GRM5: variants seen among roughly 807,000 people sequenced by gnomAD.
The protein encoded by GRM5 is metabotropic glutamate receptor 5.
A neutral mutation model predicts 83.1 loss-of-function variants in GRM5; 19 were observed. That is an observed-to-expected ratio of 0.23 (90% CI 0.16 to 0.34). The LOEUF is 0.34. Ranked by LOEUF, GRM5 falls within the 10% of genes least tolerant of loss-of-function variation. The pLI, the probability that GRM5 is intolerant of heterozygous loss-of-function variation, is 1.00. For synonymous variants in GRM5, 675 were observed against 633.6 expected (o/e 1.07, Z -0.98); for missense variants, 1,160 against 1,588.3 (o/e 0.73, Z 4.58).
At chr11:88,728,353 TAAC>T (rs1941727249) in intron 3 of GRM5, among the ~76,000 whole-genome samples, 1 of 151,952 alleles carries the variant, frequency 6.6e-6, no homozygotes, top group South Asian at 2.1e-4. Flanking sequence ...AATAGACTAA[TAAC>T]AAGTTCTGAA....
At chr11:88,770,600 A>G (rs1942714440) in intron 3 of GRM5, among the ~76,000 whole-genome samples, 1 of 152,146 alleles carries the variant, frequency 6.6e-6, no homozygotes, top group Non-Finnish European at 1.5e-5. Flanking sequence ...CCTTGTGGAA[A>G]GCAGAAATTG....
intron 3 of GRM5, among the ~76,000 whole-genome samples, chr11:88,799,483 T>G (rs1038501832): frequency 3.3e-5 from 5 of 152,134 alleles, no homozygotes; most frequent in African/African-American, 1.2e-4. Flanking sequence ...CATGGAAATT[T>G]TTGAAGCATA....
chr11:88,807,154 C>T (rs920251511), intron 3 of GRM5, among the ~76,000 whole-genome samples: 1 of 152,092 alleles, frequency 6.6e-6, no homozygotes, highest in African/African-American at 2.4e-5. Context: ...CATTTTCTGC[C>T]ATAAACCTTG....
chr11:89,044,758 T>C (rs537457271), intron 2 of GRM5, among the ~76,000 whole-genome samples: 1 of 151,106 alleles, frequency 6.6e-6, no homozygotes, highest in Non-Finnish European at 1.5e-5. Flanking sequence ...GAAAATCACC[T>C]CAACCCAGTG....
chr11:89,023,171 G>A (rs187113218), intron 2 of GRM5, among the ~76,000 whole-genome samples: 134 of 152,078 alleles, frequency 8.8e-4, no homozygotes, highest in Middle Eastern at 3.4e-3. Flanking sequence ...GTGTGCGCGC[G>A]CGTGCACATG....
rs370073829 is a variant in GRM5 at position 88,574,385 on chromosome 11, G to A, written c.1691-6393C>T. On this transcript the variant is annotated intron_variant, in intron 7 of 9. Transcript: ENST00000305447. ...ATCAATTCACTACACCTGAATTTGAGTCTAGTTTCTGGAACCCAAAGAGGG... is the reference window on the plus strand; with the variant it reads ...ATCAATTCACTACACCTGAATTTGAATCTAGTTTCTGGAACCCAAAGAGGG... Among the ~76,000 whole-genome samples the A allele has an allele frequency of 8.5e-5, 13 of 152,204 alleles. No individual in the cohort carries two copies. In the East Asian group the frequency reaches 1.7e-3, roughly 20 times the overall value.
intron 4 of GRM5, among the ~76,000 whole-genome samples, chr11:88,615,281 T>A (rs537357204): frequency 1.3e-5 from 2 of 152,080 alleles, no homozygotes; most frequent in South Asian, 2.1e-4. Context: ...ATAAAAATAA[T>A]AATAATTGGA....
intron 2 of GRM5, among the ~76,000 whole-genome samples, chr11:88,919,542 C>A (rs1945654373): frequency 6.6e-6 from 1 of 150,906 alleles, no homozygotes; most frequent in Non-Finnish European, 1.5e-5. Flanking sequence ...CACTATAGAT[C>A]AAATGGATCT....
intron 2 of GRM5, among the ~76,000 whole-genome samples, chr11:89,027,705 T>C (rs1591060430): frequency 6.6e-6 from 1 of 152,200 alleles, no homozygotes; most frequent in Admixed American, 6.5e-5. Context: ...TTAGGACATG[T>C]GAACGTATTT....
chr11:88,677,295 A>T (rs1940358261), intron 3 of GRM5, among the ~76,000 whole-genome samples: 2 of 152,068 alleles, frequency 1.3e-5, no homozygotes. Flanking sequence ...GTAAATTCAT[A>T]TTTTAACTCT....
chr11:88,798,235 C>T (rs1943320260), intron 3 of GRM5, among the ~76,000 whole-genome samples: 2 of 152,126 alleles, frequency 1.3e-5, no homozygotes, highest in South Asian at 4.1e-4. Flanking sequence ...TTGGATATGA[C>T]AATATCGTTC....
intron 2 of GRM5, among the ~76,000 whole-genome samples, chr11:88,948,151 G>A (rs145317634): frequency 0.014 from 2,066 of 152,170 alleles, 55 homozygotes; most frequent in Admixed American, 0.068. Flanking sequence ...CTGTATGACC[G>A]TCCTTTTCTT....
At chr11:88,707,228 C>T (rs1218359749) in intron 3 of GRM5, among the ~76,000 whole-genome samples, 3 of 152,060 alleles carry the variant, frequency 2.0e-5, no homozygotes, top group African/African-American at 7.2e-5. Context: ...TAAAATATTA[C>T]AGTAGCTATC....
chr11:89,022,312 A>T (rs909877965), intron 2 of GRM5, among the ~76,000 whole-genome samples: 5 of 152,138 alleles, frequency 3.3e-5, no homozygotes, highest in Non-Finnish European at 5.9e-5. Flanking sequence ...AAATATGAAT[A>T]TGATCCACCA....
chr11:88,585,387 G>C (rs1943291989), intron 7 of GRM5, among the ~76,000 whole-genome samples: 1 of 152,226 alleles, frequency 6.6e-6, no homozygotes, highest in Admixed American at 6.5e-5. Context: ...AACAGTGAAA[G>C]TGCTAGATAC....
chr11:88,942,746 AT>A (rs934142192), intron 2 of GRM5, among the ~76,000 whole-genome samples: 33 of 151,666 alleles, frequency 2.2e-4, no homozygotes, highest in African/African-American at 7.7e-4. Context: ...TAAAAAAAAA[AT>A]GGGACACAAC....
chr11:88,709,186 T>C (rs1941229479), intron 3 of GRM5, among the ~76,000 whole-genome samples: 1 of 151,804 alleles, frequency 6.6e-6, no homozygotes, highest in Non-Finnish European at 1.5e-5. Context: ...TGCTTAGTGA[T>C]ATGGACCAAG....
intron 8 of GRM5, among the ~76,000 whole-genome samples, chr11:88,545,140 T>C (rs1470675983): frequency 2.0e-5 from 3 of 152,200 alleles, no homozygotes; most frequent in African/African-American, 7.2e-5. Flanking sequence ...TTCTTCATCT[T>C]TGAAACACAT....
At chr11:88,798,823 A>AAC (rs1416439073) in intron 3 of GRM5, among the ~76,000 whole-genome samples, 16 of 120,512 alleles carry the variant, frequency 1.3e-4, no homozygotes, top group Non-Finnish European at 2.7e-4. Flanking sequence ...AAAAAAAAAA[A>AAC]AAAACAACAA....
Sources: gnomAD v4.1 joint callset for allele counts (sites outside exome capture counted in the v4.1 genomes callset) on GRCh38, gnomAD v4.1.1 for gene constraint, MANE v1.5 for transcripts, NCBI Gene and HGNC (gene_info 2026-07-23, HGNC 2026-07-21) for gene names.